Variants in ZNF701 observed in about 807,000 individuals in gnomAD.
The protein encoded by ZNF701 is zinc finger protein 701.
Under a neutral mutation model 7.1 loss-of-function variants are expected in ZNF701, and 6 were observed. That is an observed-to-expected ratio of 0.84 (90% CI 0.46 to 1.66). ZNF701 has a LOEUF of 1.66. Ranked by LOEUF, ZNF701 falls within the 40% of genes most tolerant of loss-of-function variation. The probability of loss-of-function intolerance (pLI) is 0.01; values close to 1 mark genes in which losing one functional copy is unlikely to be tolerated. For missense variants in ZNF701, 541 were observed against 559.2 expected (o/e 0.97, Z 0.33); for synonymous variants, 166 against 188.2 (o/e 0.88, Z 0.97).
chr19:52,579,357 C>G (rs2059960134), intron 3 of ZNF701, among the ~76,000 whole-genome samples: 1 of 139,748 alleles, frequency 7.2e-6, no homozygotes, highest in Admixed American at 6.9e-5. Context: ...AACCCCGTCT[C>G]TACTAAAAAT....
chr19:52,598,611 A>G, the ZNF701 span: 1 of 152,150 alleles, frequency 6.6e-6, no homozygotes, highest in Non-Finnish European at 1.5e-5. Context: ...TTCATATTTC[A>G]TGGAAATAAA....
intron 3 of ZNF701, among the ~76,000 whole-genome samples, 178 bp downstream of exon 3, chr19:52,576,199 A>G (rs531208151): frequency 9.2e-5 from 14 of 152,306 alleles, no homozygotes; most frequent in South Asian, 6.2e-4. Flanking sequence ...GATGTTCTGC[A>G]TTCTTCATGA....
chr19:52,597,322 A>G, the ZNF701 span: 1 of 543,070 alleles, frequency 1.8e-6, no homozygotes, highest in African/African-American at 1.9e-5. Context: ...CAGAGAATCC[A>G]TACTGGACAG....
the ZNF701 span, chr19:52,592,337 C>A: frequency 8.7e-7 from 1 of 1,151,574 alleles, no homozygotes; most frequent in Non-Finnish European, 1.2e-6. Context: ...TTTTCATGTA[C>A]ATGTCATTGT....
rs587238 is a variant in ZNF701, at chr19:52,584,369, T to C, written c.*912T>C. 0.7 allele frequency: 111,967 copies of C among 160,370 alleles called. 39,389 individuals carry two copies. The highest frequency in any genetic ancestry group is 0.74 in the Non-Finnish European group (53,583 of 72,842). 9.9% of individuals were successfully genotyped at this position (160,370 alleles called of 1,614,324 possible). A position where few individuals can be genotyped will look rare whatever the true frequency, so the allele number is the denominator to read the frequency against. On this transcript the variant is annotated 3_prime_UTR_variant, in exon 4 of 4. Transcript: ENST00000391785. ...CAGGCGTGTGGCTCACGCCTGTAAA[T>C]CCAGCACTTTAGGAGCCCAAGGTGG...
In ZNF701 at chr19:52,582,589, C is replaced by T. The variant is rs754508011; in HGVS notation, c.530C>T (p.Ser177Phe). The T allele has an allele frequency of 9.7e-5, 157 of 1,614,028 alleles. No homozygotes were observed. The highest frequency in any genetic ancestry group is 1.3e-4 in the Non-Finnish European group (156 of 1,180,032). The change falls in exon 4 of 4, where the codon TCC (serine) becomes TTC (phenylalanine). Residue 177 changes from serine to phenylalanine, a missense_variant. Physicochemically the swap from Ser to Phe is radical, Grantham distance 155 (BLOSUM62 -2). Coordinates refer to ENST00000391785, the MANE Select transcript of ZNF701 (RefSeq NM_018260.3). ...AACGATGCTTTCTCAGTTTCAGCAT[C>T]CCAACGAATTTCCTGTAGGCCAAAA... ...AINDAFSVSA[S>F]QRISCRPKTR...
chr19:52,584,562 A>T lies in ZNF701; in HGVS notation c.*1105A>T, dbSNP rs563875658. The T allele has an allele frequency of 1.3e-5, 2 of 152,232 alleles. No homozygotes were observed. The highest frequency in any genetic ancestry group is 6.5e-5 in the Admixed American group (1 of 15,282). The allele number at this position is 152,232 out of a possible 1,614,324, so 9.4% of individuals were successfully genotyped here. Reference sequence around the variant, plus strand: ...TATAATAACAATATTGATTTTTCCAAACCATCAATGTGGGTTGTATATATA... The same window carrying T: ...TATAATAACAATATTGATTTTTCCATACCATCAATGTGGGTTGTATATATA... On this transcript the variant is annotated 3_prime_UTR_variant, in exon 4 of 4. Coordinates refer to ENST00000391785, the MANE Select transcript of ZNF701 (RefSeq NM_018260.3).
chr19:52,588,501 AAAATT>A (rs2060024209), downstream of ZNF701: 1 of 271,082 alleles, frequency 3.7e-6, no homozygotes, highest in Non-Finnish European at 7.4e-6. Flanking sequence ...AAAAAAAAGA[AAAATT>A]AAATCTCATA....
intron 1 of ZNF701, among the ~76,000 whole-genome samples, 155 bp from the exon 2 acceptor site, chr19:52,573,922 G>A (rs1467598188): frequency 2.0e-5 from 3 of 152,242 alleles, no homozygotes; most frequent in South Asian, 2.1e-4. Flanking sequence ...GGAGGGAAGC[G>A]AGAGTTTTCT....
rs751963453 is a variant in ZNF701, at chr19:52,582,433, G to A, written c.374G>A (p.Arg125Gln). The A allele has an allele frequency of 1.3e-5, 21 of 1,614,118 alleles. No individual in the cohort carries two copies. The South Asian group carries it at 1.4e-4, about 11-fold the overall frequency. The change falls in exon 4 of 4, where the codon CGA becomes CAA. Residue 125 changes from arginine to glutamine, a missense_variant. Physicochemically the swap from Arg to Gln is conservative, Grantham distance 43. Coordinates refer to ENST00000391785, the MANE Select transcript of ZNF701 (RefSeq NM_018260.3). Reference protein sequence around the residue: ...KTKKLMSSTERHDQRHAGNKP... With the variant: ...KTKKLMSSTEQHDQRHAGNKP... ...AAAAAGTTGATGAGTAGTACAGAGC[G>A]ACATGATCAAAGGCATGCTGGAAAC... is the stretch of plus-strand genomic sequence containing the variant.
At position 52,584,849 on chromosome 19, in the gene ZNF701, G is replaced by T. The variant is rs1183891385; in HGVS notation, c.*1392G>T. The T allele has an allele frequency of 6.6e-6, 1 of 152,088 alleles. No individual in the cohort carries two copies. The highest frequency in any genetic ancestry group is 6.6e-5 in the Admixed American group (1 of 15,256). 9.4% of individuals were successfully genotyped at this position (152,088 alleles called of 1,614,324 possible). A position where few individuals can be genotyped will look rare whatever the true frequency, so the allele number is the denominator to read the frequency against. ...GGCCCCGCCCACCTCTTCGCCTCCC[G>T]TCTGGCCTGACCCAGGCCCCGCCCA... On this transcript the variant is annotated 3_prime_UTR_variant, in exon 4 of 4. Transcript: ENST00000391785.
chr19:52,572,469 C>G (rs141514799), intron 1 of ZNF701: 6 of 1,196,580 alleles, frequency 5.0e-6, no homozygotes, highest in Non-Finnish European at 6.5e-6. Flanking sequence ...TCAGAACTTG[C>G]AAAGGAAGTT....
chr19:52,577,931 G>A lies in ZNF701; in HGVS notation c.142+1910G>A, dbSNP rs372426740. 1.2e-4 allele frequency among the ~76,000 whole-genome samples: 19 copies of A among 152,156 alleles called. No individual in the cohort carries two copies. The South Asian group carries it at 1.5e-3, about 12-fold the overall frequency. On this transcript the variant is annotated intron_variant, in intron 3 of 3. Coordinates refer to ENST00000391785, the MANE Select transcript of ZNF701 (RefSeq NM_018260.3). ...AGTTCATAGTAGATAGCGGTAGAAG[G>A]AATAGTGAAAGTCTTTGATCTTTCT...
At position 52,582,911 on chromosome 19, in the gene ZNF701, CCT is replaced by C. The variant is rs2059985555; in HGVS notation, c.853_854del (p.Leu285ValfsTer16). ...CGKTFSHNSA[L>X]LVHKAIHTGE... ...GCAAGACATTCAGTCACAATTCAGC[CCT>C]GTTAGTTCACAAGGCAATTCATACT... On this transcript the variant is annotated frameshift_variant, in exon 4 of 4. Coordinates refer to ENST00000391785, the MANE Select transcript of ZNF701 (RefSeq NM_018260.3). LOFTEE classifies it low-confidence loss of function (END_TRUNC). 1 of 1,613,708 alleles carries C rather than the reference CCT, an allele frequency of 6.2e-7. No homozygotes were observed. Among genetic ancestry groups the C allele is most frequent in the African/African-American group, 1.3e-5 (1 of 74,816 alleles).
At chr19:52,575,202 C>T (rs930703517) in intron 2 of ZNF701, among the ~76,000 whole-genome samples, 1 of 152,128 alleles carries the variant, frequency 6.6e-6, no homozygotes, top group African/African-American at 2.4e-5. Flanking sequence ...ATCTCCTGAC[C>T]TTGTGATCCA....
At chr19:52,599,984 G>A in the ZNF701 span, among the ~76,000 whole-genome samples, 2 of 152,176 alleles carry the variant, frequency 1.3e-5, no homozygotes, top group Middle Eastern at 3.4e-3. Context: ...TCAACTATGT[G>A]TCCTCTTCCC....
chr19:52,573,500 G>A (rs533839844), intron 1 of ZNF701, among the ~76,000 whole-genome samples: 25 of 152,160 alleles, frequency 1.6e-4, no homozygotes, highest in African/African-American at 5.8e-4. Context: ...GCCTTCCAGA[G>A]TGCTAGTATT....
chr19:52,590,515 G>A (rs1047262380), downstream of ZNF701, among the ~76,000 whole-genome samples: 1 of 152,024 alleles, frequency 6.6e-6, no homozygotes, highest in African/African-American at 2.4e-5. Flanking sequence ...ATTTCCATAC[G>A]TTGGTTGACC....
In ZNF701 at chr19:52,582,932, T is replaced by G. The variant is rs147437579; in HGVS notation, c.873T>G (p.Ile291Met). 648 of 1,614,102 alleles carry G rather than the reference T, an allele frequency of 4.0e-4. No individual in the cohort carries two copies. The highest frequency in any genetic ancestry group is 4.7e-4 in the Non-Finnish European group (549 of 1,180,004). Residue 291 changes from isoleucine to methionine, a missense_variant, in exon 4 of 4, where the codon ATT becomes ATG. Coordinates refer to ENST00000391785, the MANE Select transcript of ZNF701 (RefSeq NM_018260.3). Reference sequence around the variant, plus strand: ...CAGCCCTGTTAGTTCACAAGGCAATTCATACTGGAGAGAAACCTTACAAGT... The same window carrying G: ...CAGCCCTGTTAGTTCACAAGGCAATGCATACTGGAGAGAAACCTTACAAGT... Reference protein sequence around the residue: ...HNSALLVHKAIHTGEKPYKCN... With the variant: ...HNSALLVHKAMHTGEKPYKCN...
Sources: gnomAD v4.1 joint callset for allele counts (sites outside exome capture counted in the v4.1 genomes callset) on GRCh38, gnomAD v4.1.1 for gene constraint, MANE v1.5 for transcripts, NCBI Gene and HGNC (gene_info 2026-07-23, HGNC 2026-07-21) for gene names.